Variants in MICAL2 observed in about 807,000 individuals in gnomAD.
The protein encoded by MICAL2 is microtubule associated monooxygenase, calponin and LIM domain containing 2.
MICAL2 carries 77 observed loss-of-function variants against 127.3 expected under a neutral mutation model. The ratio of observed to expected loss-of-function variants is 0.60; its 90% CI spans 0.50 to 0.73. The LOEUF is 0.73. MICAL2 is among the 30% of genes least tolerant of loss of function. The probability of loss-of-function intolerance (pLI) is 0.00; values close to 1 mark genes in which losing one functional copy is unlikely to be tolerated. For missense variants in MICAL2, 1,351 were observed against 1,434.4 expected (o/e 0.94, Z 0.94); for synonymous variants, 570 against 551.1 (o/e 1.03, Z -0.48).
chr11:12,241,099 T>C lies in MICAL2; in HGVS notation c.2274T>C (p.Val758=), dbSNP rs753239432. 101 of 1,614,038 alleles carry C rather than the reference T, an allele frequency of 6.3e-5. No individual in the cohort carries two copies. Among genetic ancestry groups the C allele is most frequent in the Non-Finnish European group, 8.1e-5 (96 of 1,180,032 alleles). ...TGTGCTCTTCCTCCGGCCCTCCTGT[T>C]CACTCTTGCTGCCCCAAGCCGGAGG... ...PVLCSSSGPP[V]HSCCPKPEEA... Residue 758 remains valine, a synonymous_variant, in exon 18 of 28, where the codon GTT becomes GTC. Transcript: ENST00000683283.
chr11:12,199,272 G>A (rs1373946009), intron 3 of MICAL2, among the ~76,000 whole-genome samples: 1 of 152,110 alleles, frequency 6.6e-6, no homozygotes, highest in Admixed American at 6.5e-5. Flanking sequence ...AACACACAAA[G>A]CAAATAGGAC....
At chr11:12,331,656 C>T (rs1340635243) in intron 32 of MICAL2, among the ~76,000 whole-genome samples, 2 of 152,156 alleles carry the variant, frequency 1.3e-5, no homozygotes, top group African/African-American at 4.8e-5. Flanking sequence ...TCAGACACTC[C>T]TGAGTTTGAA....
chr11:12,120,975 A>G (rs968465961), intron 1 of MICAL2, among the ~76,000 whole-genome samples: 1 of 152,244 alleles, frequency 6.6e-6, no homozygotes, highest in African/African-American at 2.4e-5. Flanking sequence ...TGGGCCCCCA[A>G]AAAGACTTTG....
At chr11:12,150,228 T>C (rs1853419926) in intron 2 of MICAL2, among the ~76,000 whole-genome samples, 1 of 152,218 alleles carries the variant, frequency 6.6e-6, no homozygotes, top group Non-Finnish European at 1.5e-5. Flanking sequence ...AATGACTTCA[T>C]ATTGATAAAT....
rs750032297 is a variant in MICAL2, at chr11:12,110,963, C to T, written c.-149+237C>T. ...ACCAATTAGAACGCAATAAAAGCCT[C>T]CCACCGGCACGCCGAACTACCTCTT... On this transcript the variant is annotated intron_variant, in intron 1 of 27. Coordinates refer to ENST00000683283, the MANE Select transcript of MICAL2 (RefSeq NM_001282663.2). The surrounding 1 kb of genome is among the most constrained non-coding windows in gnomAD (Gnocchi z 4.5). Among the ~76,000 whole-genome samples, 2 of 152,146 alleles carry T rather than the reference C, an allele frequency of 1.3e-5. No homozygotes were observed. Among genetic ancestry groups the T allele is most frequent in the African/African-American group, 2.4e-5 (1 of 41,442 alleles).
At chr11:12,311,554 C>T (rs1864174827) in intron 29 of MICAL2, among the ~76,000 whole-genome samples, 1 of 152,090 alleles carries the variant, frequency 6.6e-6, no homozygotes, top group Non-Finnish European at 1.5e-5. Context: ...TGGCACACGC[C>T]ACCACACCGG....
exon 1 of MICAL2, chr11:12,276,158 A>G (rs1404347857): frequency 7.5e-6 from 3 of 399,134 alleles, no homozygotes; most frequent in Non-Finnish European, 1.3e-5. Context: ...TCACCAGCGA[A>G]GACAGCAGGT....
chr11:12,138,163 G>C (rs1852001178), intron 1 of MICAL2, among the ~76,000 whole-genome samples: 1 of 152,040 alleles, frequency 6.6e-6, no homozygotes, highest in Non-Finnish European at 1.5e-5. Flanking sequence ...AGGGTGCCCT[G>C]ACTGCAGCCA....
chr11:12,206,231 G>C (rs1854663435), intron 4 of MICAL2, among the ~76,000 whole-genome samples: 3 of 152,178 alleles, frequency 2.0e-5, no homozygotes, highest in Non-Finnish European at 4.4e-5. Flanking sequence ...TGGGTACCAG[G>C]ATGCCTTGTG....
chr11:12,184,458 T>G (rs1590227913), intron 3 of MICAL2, among the ~76,000 whole-genome samples: 1 of 152,220 alleles, frequency 6.6e-6, no homozygotes, highest in South Asian at 2.1e-4. Context: ...CAGCTGCTTC[T>G]CTGAAATTCC....
rs760387714 is a variant in MICAL2 at position 12,315,490 on chromosome 11, C to T, written c.5213-4206C>T. On this transcript the variant is annotated intron_variant, in intron 29 of 34. Coordinates refer to the MICAL2 transcript ENST00000646065. ...TTTCTTTGTGATTTCTTTTTTTGAC[C>T]TATGGGTTATTTAAAAGTGTATTAT... Among the ~76,000 whole-genome samples the T allele has an allele frequency of 4.6e-5, 7 of 151,892 alleles. No homozygotes were observed. In the East Asian group the frequency reaches 1.4e-3, roughly 29 times the overall value.
chr11:12,156,189 T>C (rs1482953669), intron 2 of MICAL2, among the ~76,000 whole-genome samples: 4 of 152,190 alleles, frequency 2.6e-5, no homozygotes, highest in African/African-American at 4.8e-5. Flanking sequence ...TCTGGGCCCT[T>C]GCTACCTCCT....
At chr11:12,234,863 A>G (rs956028191) in intron 15 of MICAL2, among the ~76,000 whole-genome samples, 7 of 152,212 alleles carry the variant, frequency 4.6e-5, no homozygotes, top group African/African-American at 1.7e-4. Flanking sequence ...GTGATCGGGT[A>G]GGTTAGGATT....
chr11:12,332,605 A>G (rs1485320952), intron 32 of MICAL2, among the ~76,000 whole-genome samples: 1 of 152,168 alleles, frequency 6.6e-6, no homozygotes, highest in Non-Finnish European at 1.5e-5. Flanking sequence ...AGCATAGCAA[A>G]CAGCAGGAAC....
intron 1 of MICAL2, among the ~76,000 whole-genome samples, chr11:12,126,403 T>A (rs573023556): frequency 1.3e-5 from 2 of 152,272 alleles, no homozygotes; most frequent in Admixed American, 6.5e-5. Flanking sequence ...TGGAGTGAGA[T>A]TAGAATAGGT....
In MICAL2 at chr11:12,260,260, A is replaced by G. The variant is rs1294437995; in HGVS notation, c.3334+363A>G. 4.2e-6 allele frequency: 6 copies of G among 1,435,456 alleles called. No individual in the cohort carries two copies. In the African/African-American group the frequency reaches 7.2e-5, roughly 17 times the overall value. 88.9% of individuals were successfully genotyped at this position (1,435,456 alleles called of 1,614,324 possible). On this transcript the variant is annotated intron_variant, in intron 26 of 27. Coordinates refer to ENST00000683283, the MANE Select transcript of MICAL2 (RefSeq NM_001282663.2). ...GCAGTTTGCTCAGGCTCTGGCCAGGAAGCCTAGCATTCTCTAAGCAATTAG... is the reference window on the plus strand; with the variant it reads ...GCAGTTTGCTCAGGCTCTGGCCAGGGAGCCTAGCATTCTCTAAGCAATTAG...
chr11:12,294,183 G>A, downstream of MICAL2: 1 of 1,613,978 alleles, frequency 6.2e-7, no homozygotes. Context: ...GAGAAGATGG[G>A]GACCCCTGCG....
downstream of MICAL2, chr11:12,293,870 T>A (rs370919899): frequency 5.6e-5 from 90 of 1,608,606 alleles, no homozygotes; most frequent in Non-Finnish European, 7.4e-5. Flanking sequence ...GCAAGAGCTA[T>A]CTCCCTTGGC....
At position 12,239,507 on chromosome 11, in the gene MICAL2, G is replaced by C. The variant is rs781590816; in HGVS notation, c.2136G>C (p.Gln712His). The change falls in exon 17 of 28, where the codon CAG (glutamine) becomes CAC (histidine). Residue 712 changes from glutamine to histidine, a missense_variant. Gln to His is a conservative substitution (Grantham distance 24, BLOSUM62 0). Transcript: ENST00000683283. ...ECGSSKEGGN[Q>H]NKVKSMANQL... ...GGAGCAGTAAGGAAGGTGGAAATCA[G>C]AACAAAGTCAAGTCCATGGCGAATC... is the stretch of plus-strand genomic sequence containing the variant. 3.7e-6 allele frequency: 6 copies of C among 1,614,230 alleles called. No individual in the cohort carries two copies. Among genetic ancestry groups the C allele is most frequent in the Non-Finnish European group, 5.1e-6 (6 of 1,180,038 alleles).
Sources: gnomAD v4.1 joint callset for allele counts (sites outside exome capture counted in the v4.1 genomes callset) on GRCh38, gnomAD v4.1.1 for gene constraint, Gnocchi (gnomAD v3.1) non-coding constraint, MANE v1.5 for transcripts, NCBI Gene and HGNC (gene_info 2026-07-23, HGNC 2026-07-21) for gene names.